The following PCNX2 variants were observed in gnomAD, a reference collection of about 807,000 sequenced individuals.
PCNX2 encodes pecanex-like protein 2.
In PCNX2, 168 loss-of-function variants were observed where a neutral mutation model predicts 223.8. That is an observed-to-expected ratio of 0.75 (90% CI 0.66 to 0.85). The LOEUF is 0.85. Ranked by LOEUF, PCNX2 falls within the 40% of genes least tolerant of loss-of-function variation. The probability of loss-of-function intolerance (pLI) is 0.00; values close to 1 mark genes in which losing one functional copy is unlikely to be tolerated. For synonymous variants in PCNX2, 1,006 were observed against 1,052.6 expected, an observed-to-expected ratio of 0.96 and a Z score of 0.86; for missense variants, 2,507 against 2,675.5, an observed-to-expected ratio of 0.94 and a Z score of 1.39.
At position 233,054,323 on chromosome 1, in the gene PCNX2, C is replaced by T. The variant is rs1572051546; in HGVS notation, c.4296G>A (p.Leu1432=). Residue 1432 remains leucine (L), a synonymous_variant, in exon 25 of 34, where the codon CTG becomes CTA. Coordinates refer to ENST00000258229, the MANE Select transcript of PCNX2 (RefSeq NM_014801.4). ...ASDDLNAFVH[L]IEIGNGLVTF... ...TGACAAGACCATTTCCAATTTCAAT[C>T]AGGTGAACAAAGGCATTGAGGTCAT... 2 of 1,613,894 alleles carry T rather than the reference C, an allele frequency of 1.2e-6. No homozygotes were observed. Among genetic ancestry groups the T allele is most frequent in the Non-Finnish European group, 1.7e-6 (2 of 1,179,856 alleles).
At chr1:233,011,191 C>T (rs1670456557) in intron 28 of PCNX2, among the ~76,000 whole-genome samples, 1 of 152,088 alleles carries the variant, frequency 6.6e-6, no homozygotes, top group East Asian at 1.9e-4. Context: ...TGTATAAAAA[C>T]AATAATATAT....
At chr1:233,091,323 A>G (rs1212293693) in intron 22 of PCNX2, among the ~76,000 whole-genome samples, 3 of 152,124 alleles carry the variant, frequency 2.0e-5, no homozygotes, top group African/African-American at 7.2e-5. Context: ...CCATGTTGCA[A>G]AAGTTCTGTC....
At chr1:233,280,019 T>C (rs1378636596) in intron 1 of PCNX2, among the ~76,000 whole-genome samples, 2 of 152,194 alleles carry the variant, frequency 1.3e-5, no homozygotes, top group African/African-American at 4.8e-5. Context: ...GTATGCTTCA[T>C]CTTTCCCTCC....
chr1:233,199,411 G>A (rs1413054115), intron 14 of PCNX2, among the ~76,000 whole-genome samples: 2 of 151,998 alleles, frequency 1.3e-5, no homozygotes, highest in African/African-American at 4.8e-5. Context: ...GAGGAGAGAG[G>A]AGACGGGAAA....
rs748537137 is a variant in PCNX2 at position 233,252,772 on chromosome 1, T to C, written c.1851A>G (p.Glu617=). The change falls in exon 6 of 34, where the codon GAA becomes GAG. Residue 617 remains glutamate, a synonymous_variant. Transcript: ENST00000258229. ...SGLLRDNCSQ[E]KKEEILENEK... is the part of the protein sequence containing the mutation. ...CATTTTCCAGGATTTCCTCCTTTTTTTCCTGGGAACAGTTATCTGAAAAAC... is the reference window on the plus strand; with the variant it reads ...CATTTTCCAGGATTTCCTCCTTTTTCTCCTGGGAACAGTTATCTGAAAAAC... 3.7e-6 allele frequency: 6 copies of C among 1,610,932 alleles called. No homozygotes were observed. The African/African-American group carries it at 5.3e-5, about 14-fold the overall frequency.
intron 13 of PCNX2, chr1:233,201,836 A>G (rs1681134103): frequency 6.1e-6 from 1 of 164,132 alleles, no homozygotes; most frequent in South Asian, 1.6e-4. Context: ...ACAAAACCCA[A>G]AGAAATGGAA....
At chr1:233,324,210 A>T in the PCNX2 span, among the ~76,000 whole-genome samples, 2 of 152,264 alleles carry the variant, frequency 1.3e-5, no homozygotes, top group African/African-American at 4.8e-5. Context: ...GAAAGAAGTC[A>T]TCTCAACGTA....
chr1:233,099,518 T>C (rs1299137311), intron 21 of PCNX2, among the ~76,000 whole-genome samples: 1 of 152,232 alleles, frequency 6.6e-6, no homozygotes, highest in Non-Finnish European at 1.5e-5. Context: ...GGCTTACTTG[T>C]GCTTCTCGAA....
chr1:232,986,091 C>T lies in PCNX2; in HGVS notation c.6240+1G>A. 6.4e-7 allele frequency: 1 copy of T among 1,557,816 alleles called. No homozygotes were observed. The highest frequency in any genetic ancestry group is 1.9e-5 in the Admixed American group (1 of 52,106). On this transcript the variant is annotated splice_donor_variant, in intron 33 of 33. Coordinates refer to ENST00000258229, the MANE Select transcript of PCNX2 (RefSeq NM_014801.4). LOFTEE classifies it high-confidence loss of function. ...CTGGTGAGCCCTGCCCAGCCCCTTACCCGAGTGGCCTGGCTGGCAGCCCTG... is the reference window on the plus strand; with the variant it reads ...CTGGTGAGCCCTGCCCAGCCCCTTATCCGAGTGGCCTGGCTGGCAGCCCTG...
Position 233,262,980 on chromosome 1 carries a change from T to C in PCNX2, c.337A>G (p.Ile113Val), listed in dbSNP as rs1470743444. ...NKDKEAKGEH[I>V]TNHRNPSNNR... Reference sequence around the variant, plus strand: ...TACCTTGGATTTCTGTGATTAGTTATGTGTTCACCTTTGGCCTCCTTGTCT... The same window carrying C: ...TACCTTGGATTTCTGTGATTAGTTACGTGTTCACCTTTGGCCTCCTTGTCT... Residue 113 changes from isoleucine to valine, a missense_variant, in exon 2 of 34, where the codon ATA (isoleucine) becomes GTA (valine). Ile to Val is a conservative substitution (Grantham distance 29). Coordinates refer to ENST00000258229, the MANE Select transcript of PCNX2 (RefSeq NM_014801.4). The C allele has an allele frequency of 1.2e-6, 2 of 1,613,528 alleles. No individual in the cohort carries two copies. The highest frequency in any genetic ancestry group is 8.5e-7 in the Non-Finnish European group (1 of 1,179,758).
chr1:233,219,675 G>C (rs548883887), intron 10 of PCNX2, among the ~76,000 whole-genome samples: 1 of 152,084 alleles, frequency 6.6e-6, no homozygotes, highest in South Asian at 2.1e-4. Context: ...GTGATTCACA[G>C]CAAAACTGAG....
intron 21 of PCNX2, among the ~76,000 whole-genome samples, chr1:233,129,394 C>T (rs1160824954): frequency 3.3e-5 from 5 of 152,218 alleles, no homozygotes; most frequent in African/African-American, 1.2e-4. Flanking sequence ...TCCCCCACCC[C>T]GCCCCGCCGC....
chr1:233,080,154 G>C lies in PCNX2; in HGVS notation c.4076+9907C>G, dbSNP rs77354855. Among the ~76,000 whole-genome samples the C allele has an allele frequency of 3.7e-4, 57 of 152,180 alleles. No homozygotes were observed. The East Asian group carries it at 8.9e-3, about 24-fold the overall frequency. ...GTGAGATTTATTGACTTCAAACTTC[G>C]ATCTCTTTTCCAGTACCTCAGTCCA... On this transcript the variant is annotated intron_variant, in intron 23 of 33. Coordinates refer to ENST00000258229, the MANE Select transcript of PCNX2 (RefSeq NM_014801.4).
intron 3 of PCNX2, 38 bp downstream of exon 3, chr1:233,262,007 C>G: frequency 6.2e-7 from 1 of 1,611,776 alleles, no homozygotes; most frequent in Non-Finnish European, 8.5e-7. Flanking sequence ...ACATCGAAAT[C>G]ACATGAAGAG....
chr1:233,087,374 C>T (rs182048970), intron 23 of PCNX2, among the ~76,000 whole-genome samples: 6 of 152,172 alleles, frequency 3.9e-5, no homozygotes, highest in Admixed American at 2.6e-4. Flanking sequence ...AAGCTCCAGA[C>T]GAGAATGTCT....
chr1:233,074,616 AAAAAAAAG>A (rs1673011293), intron 23 of PCNX2, among the ~76,000 whole-genome samples: 2 of 143,128 alleles, frequency 1.4e-5, no homozygotes, highest in Non-Finnish European at 3.0e-5. Flanking sequence ...AAAAAAAAAA[AAAAAAAAG>A]AGGACGAAAA....
intron 25 of PCNX2, among the ~76,000 whole-genome samples, chr1:233,045,601 A>G (rs1671797691): frequency 6.6e-6 from 1 of 152,234 alleles, no homozygotes. Context: ...TAGAAACTAA[A>G]GAGTCAGACA....
intron 19 of PCNX2, among the ~76,000 whole-genome samples, chr1:233,158,628 A>C (rs1349739177): frequency 6.6e-6 from 1 of 152,230 alleles, no homozygotes. Flanking sequence ...TATAGACAAA[A>C]GTAAAAATAT....
chr1:233,323,037 G>A, the PCNX2 span, among the ~76,000 whole-genome samples: 2 of 152,278 alleles, frequency 1.3e-5, no homozygotes, highest in East Asian at 3.9e-4. Flanking sequence ...AGCCTGGGAA[G>A]AAGTATCTTG....
Sources: allele counts gnomAD v4.1 joint callset (sites outside exome capture counted in the v4.1 genomes callset), GRCh38; gene constraint gnomAD v4.1.1; transcripts MANE v1.5; gene names NCBI Gene and HGNC (gene_info 2026-07-23, HGNC 2026-07-21).